Variants in CSNK1A1 observed in about 807,000 individuals in gnomAD.
CSNK1A1 encodes casein kinase I isoform alpha.
CSNK1A1 carries 7 observed loss-of-function variants against 46.1 expected under a neutral mutation model. That is an observed-to-expected ratio of 0.15 (90% CI 0.09 to 0.29). The LOEUF is 0.29. Among genes scored for constraint, CSNK1A1 ranks in the 10% least tolerant of loss-of-function variants. The pLI, the probability that CSNK1A1 is intolerant of heterozygous loss-of-function variation, is 1.00. For missense variants in CSNK1A1, 96 were observed against 417.1 expected (o/e 0.23, Z 6.71); for synonymous variants, 137 against 141.5 (o/e 0.97, Z 0.23).
At chr5:149,544,737 T>TTATAGATATATATATATATA (rs1762410456) in intron 2 of CSNK1A1, among the ~76,000 whole-genome samples, 1 of 80,806 alleles carries the variant, frequency 1.2e-5, no homozygotes, top group Non-Finnish European at 2.2e-5. Context: ...GTAAAGAGCT[T>TTATAGATATATATATATATA]TATATATATA....
intron 4 of CSNK1A1, among the ~76,000 whole-genome samples, chr5:149,515,391 T>C (rs1761367916): frequency 1.3e-5 from 2 of 152,218 alleles, no homozygotes; most frequent in African/African-American, 4.8e-5. Flanking sequence ...AAAAATTCAG[T>C]GTTCGCTGGA....
chr5:149,542,686 ATATATATT>A (rs1231422431), intron 2 of CSNK1A1, among the ~76,000 whole-genome samples: 10 of 18,936 alleles, frequency 5.3e-4, no homozygotes, highest in African/African-American at 2.0e-3. Context: ...ATATATATAT[ATATATATT>A]TTTTTTTTTT....
chr5:149,545,856 A>T (rs960521699), intron 2 of CSNK1A1: 1 of 344,252 alleles, frequency 2.9e-6, no homozygotes, highest in African/African-American at 2.2e-5. Flanking sequence ...TTCATTTCTT[A>T]AAATATCAAG....
At chr5:149,542,610 A>ATGTATG (rs1762283698) in intron 2 of CSNK1A1, among the ~76,000 whole-genome samples, 1 of 10,854 alleles carries the variant, frequency 9.2e-5, no homozygotes. Context: ...ATATATATAT[A>ATGTATG]TATATATATA....
intron 9 of CSNK1A1, among the ~76,000 whole-genome samples, chr5:149,499,949 GGTTTTTTTTCTTTTTTTCT>G (rs1341333991): frequency 1.0e-4 from 14 of 134,046 alleles, no homozygotes; most frequent in South Asian, 2.6e-4. Context: ...ATGGTTGTGG[GGTTTTTTTTCTTTTTTTCT>G]TTTTTTTTTT....
At chr5:149,516,496 G>A (rs906945635) in intron 4 of CSNK1A1, among the ~76,000 whole-genome samples, 1 of 151,158 alleles carries the variant, frequency 6.6e-6, no homozygotes, top group Non-Finnish European at 1.5e-5. Context: ...CTAACCAGGG[G>A]TCATAATTTC....
intron 4 of CSNK1A1, among the ~76,000 whole-genome samples, chr5:149,515,314 T>C (rs1761365921): frequency 6.6e-6 from 1 of 152,242 alleles, no homozygotes; most frequent in South Asian, 2.1e-4. Flanking sequence ...TGTCTAAATC[T>C]ACATTCAATA....
chr5:149,548,751 A>C (rs970392078), intron 2 of CSNK1A1, among the ~76,000 whole-genome samples: 14 of 152,166 alleles, frequency 9.2e-5, no homozygotes, highest in Non-Finnish European at 1.9e-4. Flanking sequence ...CAGGAGGCTG[A>C]GGCACGAGAA....
rs1003732900 is a variant in CSNK1A1 at position 149,502,288 on chromosome 5, A to C, written c.1006+3159T>G. On this transcript the variant is annotated intron_variant, in intron 9 of 9. Coordinates refer to ENST00000377843, the MANE Select transcript of CSNK1A1 (RefSeq NM_001892.6). Reference sequence around the variant, plus strand: ...TACACTTATGAAACTTAGTTCAATAATACTAAATCCTCTGAAAATTTAACT... The same window carrying C: ...TACACTTATGAAACTTAGTTCAATACTACTAAATCCTCTGAAAATTTAACT... 4.2e-6 allele frequency: 4 copies of C among 952,954 alleles called. No homozygotes were observed. The Admixed American group carries it at 2.5e-4, about 59-fold the overall frequency. The allele number at this position is 952,954 out of a possible 1,614,324, so 59.0% of individuals were successfully genotyped here.
intron 2 of CSNK1A1, among the ~76,000 whole-genome samples, chr5:149,538,445 A>C (rs1762131020): frequency 1.3e-5 from 2 of 152,328 alleles, no homozygotes; most frequent in South Asian, 4.1e-4. Context: ...ATTCACCAAG[A>C]GAGTCTCAAA....
At chr5:149,501,019 T>G in intron 9 of CSNK1A1, 1 of 985,360 alleles carries the variant, frequency 1.0e-6, no homozygotes, top group South Asian at 4.7e-5. Context: ...AAATACCTGT[T>G]TATAATTGAT....
chr5:149,507,253 G>GAT, intron 7 of CSNK1A1, 120 bp from the exon 8 acceptor site: 1 of 700,710 alleles, frequency 1.4e-6, no homozygotes, highest in Non-Finnish European at 2.4e-6. Flanking sequence ...TTCATAGGAA[G>GAT]ATATGAGAGC....
Position 149,493,055 on chromosome 5 carries a change from C to T in CSNK1A1, c.*3798G>A, listed in dbSNP as rs1760565427. The T allele has an allele frequency of 6.6e-6, 1 of 152,162 alleles. No homozygotes were observed. The highest frequency in any genetic ancestry group is 2.1e-4 in the South Asian group (1 of 4,822). 9.4% of individuals were successfully genotyped at this position (152,162 alleles called of 1,614,324 possible). A position where few individuals can be genotyped will look rare whatever the true frequency, so the allele number is the denominator to read the frequency against. On this transcript the variant is annotated 3_prime_UTR_variant, in exon 10 of 10. Coordinates refer to ENST00000377843, the MANE Select transcript of CSNK1A1 (RefSeq NM_001892.6). ...ATAATCCTTCAAGTGGCTCCTGTGC[C>T]CTTTTGACATGTATCCACCTTTTTG...
At chr5:149,498,556 G>A (rs1760727640) in intron 9 of CSNK1A1, 5 of 984,976 alleles carry the variant, frequency 5.1e-6, no homozygotes, top group Admixed American at 6.1e-5. Flanking sequence ...TACAGGATAA[G>A]CTATGCAGGT....
intron 2 of CSNK1A1, chr5:149,549,194 G>A (rs1762579625): frequency 2.5e-6 from 1 of 398,986 alleles, no homozygotes; most frequent in African/African-American, 2.0e-5. Context: ...GTGTGGCTAA[G>A]TGATTAAGAT....
At chr5:149,497,221 TTAAC>T (rs1237242011) in intron 9 of CSNK1A1, 1 of 1,015,360 alleles carries the variant, frequency 9.8e-7, no homozygotes, top group Non-Finnish European at 1.2e-6. Flanking sequence ...TTGCTTTGCT[TTAAC>T]TAAAGAATAC....
rs578093904 is a variant in CSNK1A1, at chr5:149,550,944, G to C, written c.21C>G (p.Ser7=). 4.8e-5 allele frequency: 77 copies of C among 1,614,186 alleles called. No individual in the cohort carries two copies. In the South Asian group the frequency reaches 7.9e-4, roughly 17 times the overall value. The change falls in exon 1 of 10, where the codon TCC becomes TCG. Residue 7 remains serine (S), a synonymous_variant. Coordinates refer to ENST00000377843, the MANE Select transcript of CSNK1A1 (RefSeq NM_001892.6). The surrounding 1 kb of genome is among the most constrained non-coding windows in gnomAD (Gnocchi z 4.3). MASSSG[S]KAEFIVGGKY... is the part of the protein sequence containing the mutation. ...TCCCTCCGACAATGAATTCAGCCTT[G>C]GAGCCGCTGCTACTCGCCATCCTGA...
chr5:149,499,756 G>A (rs1412136562), intron 9 of CSNK1A1, among the ~76,000 whole-genome samples: 1 of 151,764 alleles, frequency 6.6e-6, no homozygotes, highest in African/African-American at 2.4e-5. Context: ...AATTTCAACA[G>A]TTTTCGACTT....
Position 149,529,731 on chromosome 5 carries a change from T to C in CSNK1A1, c.231-4560A>G, listed in dbSNP as rs559210259. 6.0e-4 allele frequency: 276 copies of C among 456,258 alleles called. 4 individuals carry two copies. The highest frequency in any genetic ancestry group is 2.1e-3 in the South Asian group (137 of 64,568). 28.3% of individuals were successfully genotyped at this position (456,258 alleles called of 1,614,324 possible). ...ATGAGCTTTACATGCTGTAAATAAT[T>C]GGGTGAACTATTACTACAGTTTGTG... On this transcript the variant is annotated intron_variant, in intron 2 of 9. Transcript: ENST00000377843.
Sources: gnomAD v4.1 joint callset for allele counts (sites outside exome capture counted in the v4.1 genomes callset) on GRCh38, gnomAD v4.1.1 for gene constraint, Gnocchi (gnomAD v3.1) non-coding constraint, MANE v1.5 for transcripts, NCBI Gene and HGNC (gene_info 2026-07-23, HGNC 2026-07-21) for gene names.